The following IL12RB1 variants were observed in gnomAD, a reference collection of about 807,000 sequenced individuals.
IL12RB1 encodes the protein interleukin 12 receptor subunit beta 1.
Under a neutral mutation model 94.4 loss-of-function variants are expected in IL12RB1, and 64 were observed. The observed-to-expected ratio is 0.68, with a 90% CI of 0.55 to 0.83. The LOEUF is 0.83. Among genes scored for constraint, IL12RB1 ranks in the 40% least tolerant of loss-of-function variants. The pLI, the probability that IL12RB1 is intolerant of heterozygous loss-of-function variation, is 0.00. For synonymous variants in IL12RB1, 362 were observed against 355.5 expected, an observed-to-expected ratio of 1.02 and a Z score of -0.21; for missense variants, 814 against 855.6, an observed-to-expected ratio of 0.95 and a Z score of 0.61.
upstream of IL12RB1, among the ~76,000 whole-genome samples, chr19:18,091,195 C>T (rs1042628058): frequency 2.6e-5 from 4 of 152,200 alleles, no homozygotes; most frequent in African/African-American, 9.7e-5. Context: ...CTCTGAAGTT[C>T]CCCACATCCC....
chr19:18,084,525 T>A (rs1329895187), intron 1 of IL12RB1, among the ~76,000 whole-genome samples: 1 of 151,886 alleles, frequency 6.6e-6, no homozygotes, highest in Non-Finnish European at 1.5e-5. Flanking sequence ...CATGCATTCA[T>A]TAATCCATTA....
rs1349538763 is a variant in IL12RB1 at position 18,092,602 on chromosome 19, G to A, written c.-229-1833C>T. On this transcript the variant is annotated intron_variant, in intron 1 of 4. Coordinates refer to the IL12RB1 transcript ENST00000594176. ...GGAGAATCGCTTGAACCTGGTAGGC[G>A]GAGGTTGCAGTGAGCTGAGATTGTG... is the stretch of plus-strand genomic sequence containing the variant. Among the ~76,000 whole-genome samples the A allele has an allele frequency of 2.0e-5, 3 of 151,924 alleles. No homozygotes were observed. In the South Asian group the frequency reaches 6.2e-4, roughly 32 times the overall value.
At chr19:18,079,002 A>C (rs2035680363) in intron 4 of IL12RB1, among the ~76,000 whole-genome samples, 1 of 151,962 alleles carries the variant, frequency 6.6e-6, no homozygotes, top group Non-Finnish European at 1.5e-5. Flanking sequence ...GGAGTTCAAG[A>C]CCACCCTGGC....
intron 1 of IL12RB1, chr19:18,097,704 T>G (rs2037077629): frequency 2.3e-6 from 2 of 860,804 alleles, no homozygotes; most frequent in East Asian, 9.1e-5. Context: ...CCGTGTCAGC[T>G]GACCGGCCTG....
intron 1 of IL12RB1, among the ~76,000 whole-genome samples, chr19:18,096,034 G>A (rs1346780961): frequency 6.6e-6 from 1 of 152,014 alleles, no homozygotes; most frequent in Non-Finnish European, 1.5e-5. Context: ...GACCAGCGCG[G>A]GAAACATGGC....
chr19:18,060,872 T>C (rs1277682083), intron 15 of IL12RB1, among the ~76,000 whole-genome samples: 1 of 152,138 alleles, frequency 6.6e-6, no homozygotes, highest in Non-Finnish European at 1.5e-5. Flanking sequence ...GATTCAGGCA[T>C]ATCTGAAGCC....
At chr19:18,079,710 C>CCATCCTGGCTAA (rs1326978003) in intron 4 of IL12RB1, among the ~76,000 whole-genome samples, 2 of 151,112 alleles carry the variant, frequency 1.3e-5, no homozygotes, top group Admixed American at 1.3e-4. Flanking sequence ...GAGATCGAGA[C>CCATCCTGGCTAA]CACGGTGAAA....
At chr19:18,076,699 C>G (rs766495532) in intron 5 of IL12RB1, among the ~76,000 whole-genome samples, 20 of 152,182 alleles carry the variant, frequency 1.3e-4, no homozygotes, top group Non-Finnish European at 2.5e-4. Flanking sequence ...AGCCACCGCA[C>G]CTCGCTAAAT....
intron 7 of IL12RB1, among the ~76,000 whole-genome samples, chr19:18,074,652 G>A (rs530782688): frequency 1.3e-5 from 2 of 152,272 alleles, no homozygotes; most frequent in African/African-American, 4.8e-5. Flanking sequence ...GGAGGCTGAG[G>A]CAGGAGAATC....
At chr19:18,094,228 A>C (rs1339579947) in intron 1 of IL12RB1, among the ~76,000 whole-genome samples, 1 of 152,182 alleles carries the variant, frequency 6.6e-6, no homozygotes, top group Non-Finnish European at 1.5e-5. Context: ...TCCCAGGTTC[A>C]AGTGATTCTC....
chr19:18,063,893 G>A lies in IL12RB1; in HGVS notation c.1601C>T (p.Pro534Leu), dbSNP rs1331950321. 1.9e-6 allele frequency: 3 copies of A among 1,613,396 alleles called. No individual in the cohort carries two copies. Among genetic ancestry groups the A allele is most frequent in the East Asian group, 4.5e-5 (2 of 44,856 alleles). Reference protein sequence around the residue: ...TAWLRGVWSQPQRFSIEVQVS... With the variant: ...TAWLRGVWSQLQRFSIEVQVS... ...CCACTCACCGATGCTGAAGCGCTGG[G>A]GCTGGCTCCAGACACCCCTCAGCCA... Residue 534 changes from proline to leucine, a missense_variant, in exon 13 of 17, where the codon CCC becomes CTC. Pro to Leu is a moderately conservative substitution (Grantham distance 98, BLOSUM62 -3). Transcript: ENST00000593993.
intron 10 of IL12RB1, among the ~76,000 whole-genome samples, chr19:18,068,842 G>A (rs983249026): frequency 2.6e-5 from 4 of 151,088 alleles, no homozygotes; most frequent in African/African-American, 4.9e-5. Context: ...CCTGCCTCCC[G>A]GGTTCAAGCG....
intron 1 of IL12RB1, among the ~76,000 whole-genome samples, chr19:18,095,737 T>G (rs2036856868): frequency 6.6e-6 from 1 of 152,226 alleles, no homozygotes; most frequent in African/African-American, 2.4e-5. Flanking sequence ...CCTGGCATCC[T>G]GTATTTTTAT....
intron 4 of IL12RB1, among the ~76,000 whole-genome samples, chr19:18,078,417 A>G (rs1474798717): frequency 6.6e-6 from 1 of 152,234 alleles, no homozygotes. Context: ...AAAACAAATT[A>G]AAATTAAATT....
Position 18,072,302 on chromosome 19 carries a change from G to T in IL12RB1, c.831C>A (p.Gly277=). The stretch of plus-strand genomic sequence containing the variant: ...GCTGTAGTCGGTAAGTGACCTCCGT[G>T]CCAGGCGCCAGCCCTTGACAGCCTT... ...LPEGCQGLAP[G]TEVTYRLQLH... Residue 277 remains glycine, a synonymous_variant, in exon 9 of 17, where the codon GGC becomes GGA. Transcript: ENST00000593993. 2 of 1,614,014 alleles carry T rather than the reference G, an allele frequency of 1.2e-6. No individual in the cohort carries two copies. The highest frequency in any genetic ancestry group is 1.7e-6 in the Non-Finnish European group (2 of 1,179,968).
At chr19:18,073,462 T>C (rs2035225422) in intron 8 of IL12RB1, 55 bp downstream of exon 8, 3 of 1,063,982 alleles carry the variant, frequency 2.8e-6, no homozygotes, top group Non-Finnish European at 4.4e-6. Context: ...GCCTAGGCTT[T>C]TGCCTCCTGC....
chr19:18,081,011 G>A lies in IL12RB1; in HGVS notation c.240-10C>T. On this transcript the variant is annotated splice_polypyrimidine_tract_variant and intron_variant, in intron 3 of 16. Coordinates refer to ENST00000593993, the MANE Select transcript of IL12RB1 (RefSeq NM_005535.3). ...GCGCCCGGAGCTAAGGCTGCAGCAG[G>A]AAGGAGGGTGTCAGTGCCGAGTCTG... 1 of 1,609,276 alleles carries A rather than the reference G, an allele frequency of 6.2e-7. No homozygotes were observed. Among genetic ancestry groups the A allele is most frequent in the Non-Finnish European group, 8.5e-7 (1 of 1,179,624 alleles).
In IL12RB1 at chr19:18,059,964, G is replaced by C; in HGVS notation, c.1913C>G (p.Pro638Arg). The part of the protein sequence containing the change: ...RTEPLEKTEL[P>R]EGAPELALDT... Reference sequence around the variant, plus strand: ...CAGGGCCAGCTCAGGGGCACCCTCAGGTAGCTCTGTCTTCTCGAGAGGCTC... The same window carrying C: ...CAGGGCCAGCTCAGGGGCACCCTCACGTAGCTCTGTCTTCTCGAGAGGCTC... The change falls in exon 16 of 17, where the codon CCT becomes CGT. Residue 638 changes from proline to arginine, a missense_variant. Coordinates refer to ENST00000593993, the MANE Select transcript of IL12RB1 (RefSeq NM_005535.3). 6.3e-7 allele frequency: 1 copy of C among 1,599,276 alleles called. No individual in the cohort carries two copies.
intron 9 of IL12RB1, among the ~76,000 whole-genome samples, chr19:18,070,093 A>T (rs553707192): frequency 6.6e-6 from 1 of 151,862 alleles, no homozygotes; most frequent in South Asian, 2.1e-4. Context: ...ATTTATTATT[A>T]TTTTTTGGTG....
Sources: gnomAD v4.1 joint callset for allele counts (sites outside exome capture counted in the v4.1 genomes callset) on GRCh38, gnomAD v4.1.1 for gene constraint, MANE v1.5 for transcripts, NCBI Gene and HGNC (gene_info 2026-07-23, HGNC 2026-07-21) for gene names.